Variants in CLDN7 observed in about 807,000 individuals in gnomAD.
CLDN7 encodes claudin 7, also known as claudin-7.
CLDN7 carries 15 observed loss-of-function variants against 20.3 expected under a neutral mutation model. That is an observed-to-expected ratio of 0.74 (90% CI 0.49 to 1.14). The LOEUF is 1.14. Among genes scored for constraint, CLDN7 ranks in the 50% most tolerant of loss-of-function variants. The probability of loss-of-function intolerance (pLI) is 0.00; values close to 1 mark genes in which losing one functional copy is unlikely to be tolerated. For synonymous variants in CLDN7, 117 were observed against 106.1 expected (o/e 1.10, Z -0.63); for missense variants, 261 against 274.2 (o/e 0.95, Z 0.34).
In CLDN7 at chr17:7,262,091, G is replaced by A. The variant is rs748120999; in HGVS notation, c.-48C>T. ...GGGCGCCGGGCGGGGAGACCCTACA[G>A]TAAAACAAACGACACTTGGGGGGCA... On this transcript the variant is annotated 5_prime_UTR_variant, in exon 1 of 4. Transcript: ENST00000360325. This position sits in a 1 kb window ranked among gnomAD's most constrained non-coding sequence, Gnocchi z 6.6. 10 of 1,551,696 alleles carry A rather than the reference G, an allele frequency of 6.4e-6. No individual in the cohort carries two copies. The highest frequency in any genetic ancestry group is 7.8e-6 in the Non-Finnish European group (9 of 1,147,694).
Position 7,262,211 on chromosome 17 carries a change from A to G in CLDN7, c.-168T>C. 3 of 1,437,980 alleles carry G rather than the reference A, an allele frequency of 2.1e-6. No individual in the cohort carries two copies. In the East Asian group the frequency reaches 7.5e-5, roughly 36 times the overall value. The allele number at this position is 1,437,980 out of a possible 1,614,324, so 89.1% of individuals were successfully genotyped here. Reference sequence around the variant, plus strand: ...TGAATGCAAATCTTGTCACCAAACTACACACAAATCGACCCCTCCAGTGAA... The same window carrying G: ...TGAATGCAAATCTTGTCACCAAACTGCACACAAATCGACCCCTCCAGTGAA... On this transcript the variant is annotated 5_prime_UTR_variant, in exon 1 of 4. Coordinates refer to ENST00000360325, the MANE Select transcript of CLDN7 (RefSeq NM_001307.6). This position sits in a 1 kb window ranked among gnomAD's most constrained non-coding sequence, Gnocchi z 6.6.
At position 7,260,074 on chromosome 17, in the gene CLDN7, T is replaced by C. The variant is rs2072179831; in HGVS notation, c.*300A>G. On this transcript the variant is annotated 3_prime_UTR_variant, in exon 4 of 4. Transcript: ENST00000360325. ...CTGAACTGAAGTAGGTGCACTAAGG[T>C]TCCAAGCTCCCTGCAAGGATCTGGA... 3.0e-6 allele frequency: 1 copy of C among 328,564 alleles called. No individual in the cohort carries two copies. Among genetic ancestry groups the C allele is most frequent in the African/African-American group, 2.1e-5 (1 of 47,060 alleles). 20.4% of individuals were successfully genotyped at this position (328,564 alleles called of 1,614,324 possible). A position where few individuals can be genotyped will look rare whatever the true frequency, so the allele number is the denominator to read the frequency against.
chr17:7,261,691 C>CCCCCCCCCCCATA, intron 1 of CLDN7, 130 bp downstream of exon 1: 1 of 845,128 alleles, frequency 1.2e-6, no homozygotes, highest in Non-Finnish European at 1.7e-6. Flanking sequence ...CGCCCCCAGC[C>CCCCCCCCCCCATA]GACCACTTCC....
chr17:7,261,008 C>A, intron 1 of CLDN7, 23 bp from the exon 2 acceptor site: 3 of 1,594,108 alleles, frequency 1.9e-6, no homozygotes, highest in Non-Finnish European at 2.6e-6. Context: ...GGAAAGGGCG[C>A]CGTCATTGCT....
upstream of CLDN7, chr17:7,262,492 G>T: frequency 1.2e-6 from 1 of 835,954 alleles, no homozygotes; most frequent in Non-Finnish European, 1.5e-6. The surrounding 1 kb of genome is among the most constrained non-coding windows in gnomAD (Gnocchi z 6.6). Flanking sequence ...CAGGTGGGGC[G>T]CACCTGAGTA....
chr17:7,262,133 C>T lies in CLDN7; in HGVS notation c.-90G>A, dbSNP rs764443909. The T allele has an allele frequency of 6.7e-7, 1 of 1,494,922 alleles. No individual in the cohort carries two copies. The highest frequency in any genetic ancestry group is 1.3e-5 in the South Asian group (1 of 76,432). The allele number at this position is 1,494,922 out of a possible 1,614,324, so 92.6% of individuals were successfully genotyped here. A position where few individuals can be genotyped will look rare whatever the true frequency, so the allele number is the denominator to read the frequency against. The stretch of plus-strand genomic sequence containing the variant: ...TGGGGGGCAGCCCCACAAAAGAAAA[C>T]TTGAGGTGGAGTTTTCCGGTCACCC... On this transcript the variant is annotated 5_prime_UTR_variant, in exon 1 of 4. Transcript: ENST00000360325. This position sits in a 1 kb window ranked among gnomAD's most constrained non-coding sequence, Gnocchi z 6.6.
chr17:7,260,530 C>T lies in CLDN7; in HGVS notation c.480G>A (p.Glu160=). 2 of 1,612,362 alleles carry T rather than the reference C, an allele frequency of 1.2e-6. No homozygotes were observed. Among genetic ancestry groups the T allele is most frequent in the African/African-American group, 1.3e-5 (1 of 75,016 alleles). The change falls in exon 4 of 4, where the codon GAG becomes GAA. Residue 160 remains glutamate, a synonymous_variant. Transcript: ENST00000360325. ...AGCCAATAAAGATGGCAGGGCCAAA[C>T]TCATACCTGTGAAGAGAAGGGGGTG... ...NPLIPTNIKY[E]FGPAIFIGWA...
chr17:7,260,424 G>A lies in CLDN7; in HGVS notation c.586C>T (p.Arg196Cys), dbSNP rs149875713. 1,945 of 1,613,826 alleles carry A rather than the reference G, an allele frequency of 1.2e-3. No homozygotes were observed. The highest frequency in any genetic ancestry group is 2.0e-3 in the Admixed American group (122 of 59,988). Reference protein sequence around the residue: ...CPGNESKAGYRVPRSYPKSNS... With the variant: ...CPGNESKAGYCVPRSYPKSNS... ...GACTTAGGGTAAGAGCGGGGTACAC[G>A]GTACCCAGCCTTGCTCTCATTCCCA... Residue 196 changes from arginine to cysteine, a missense_variant, in exon 4 of 4, where the codon CGT becomes TGT. Physicochemically the swap from Arg to Cys is radical, Grantham distance 180 (BLOSUM62 -3). Coordinates refer to ENST00000360325, the MANE Select transcript of CLDN7 (RefSeq NM_001307.6).
Position 7,261,830 on chromosome 17 carries a change from C to T in CLDN7, c.214G>A (p.Ala72Thr). 2 of 1,612,888 alleles carry T rather than the reference C, an allele frequency of 1.2e-6. No individual in the cohort carries two copies. Among genetic ancestry groups the T allele is most frequent in the Non-Finnish European group, 1.7e-6 (2 of 1,180,004 alleles). Residue 72 changes from alanine (A) to threonine (T), a missense_variant, in exon 1 of 4, where the codon GCC (alanine) becomes ACC (threonine). Around this residue, in one of 2 missense-constraint regions of CLDN7, gnomAD observed 215 missense variants for 199.6 expected, o/e 1.08. Transcript: ENST00000360325. ...GGTCCCGCGGCCTTACCGGACAGGG[C>T]GAGCACCGAGTCGTACATTTTGCAG... is the stretch of plus-strand genomic sequence containing the variant. ...MSCKMYDSVL[A>T]LSAALQATRA...
chr17:7,261,686 C>G, intron 1 of CLDN7, 135 bp downstream of exon 1: 1 of 797,986 alleles, frequency 1.3e-6, no homozygotes, highest in East Asian at 3.3e-5. Flanking sequence ...CCCGCCGCCC[C>G]CAGCCGACCA....
chr17:7,260,529 A>G lies in CLDN7; in HGVS notation c.481T>C (p.Phe161Leu). The G allele has an allele frequency of 6.2e-7, 1 of 1,612,412 alleles. No individual in the cohort carries two copies. The highest frequency in any genetic ancestry group is 8.5e-7 in the Non-Finnish European group (1 of 1,179,150). The change falls in exon 4 of 4, where the codon TTT (phenylalanine) becomes CTT (leucine). Residue 161 changes from phenylalanine to leucine, a missense_variant. Phe to Leu is a conservative substitution (Grantham distance 22). Transcript: ENST00000360325. The stretch of plus-strand genomic sequence containing the variant: ...CAGCCAATAAAGATGGCAGGGCCAA[A>G]CTCATACCTGTGAAGAGAAGGGGGT... ...PLIPTNIKYE[F>L]GPAIFIGWAG...
In CLDN7 at chr17:7,260,029, T is replaced by A. The variant is rs551101037; in HGVS notation, c.*345A>T. 116 of 340,256 alleles carry A rather than the reference T, an allele frequency of 3.4e-4. No homozygotes were observed. The highest frequency in any genetic ancestry group is 2.3e-3 in the African/African-American group (110 of 47,404). 21.1% of individuals were successfully genotyped at this position (340,256 alleles called of 1,614,324 possible). A position where few individuals can be genotyped will look rare whatever the true frequency, so the allele number is the denominator to read the frequency against. On this transcript the variant is annotated 3_prime_UTR_variant, in exon 4 of 4. Coordinates refer to ENST00000360325, the MANE Select transcript of CLDN7 (RefSeq NM_001307.6). ...ATCTTTTAGTCAATTGTCAGTGGAG[T>A]CAGTGGGGTGCTAAGTGTTCTGAAC...
chr17:7,260,256 CAG>C lies in CLDN7; in HGVS notation c.*116_*117del, dbSNP rs1200654189. ...GAGGACTATACATGGAGTGCAGGGA[CAG>C]AGTGACCAGGAGGCCTTTGTCCGGC... On this transcript the variant is annotated 3_prime_UTR_variant, in exon 4 of 4. Transcript: ENST00000360325. 6.5e-6 allele frequency: 7 copies of C among 1,075,838 alleles called. No individual in the cohort carries two copies. In the South Asian group the frequency reaches 9.3e-5, roughly 14 times the overall value. 66.6% of individuals were successfully genotyped at this position (1,075,838 alleles called of 1,614,324 possible).
chr17:7,261,742 G>C, intron 1 of CLDN7, 79 bp downstream of exon 1: 1 of 1,493,724 alleles, frequency 6.7e-7, no homozygotes, highest in East Asian at 2.4e-5. Context: ...CCCCAGCCGT[G>C]GGGCCTCGGC....
rs773234630 is a variant in CLDN7, at chr17:7,262,394, G to A, written c.-351C>T. On this transcript the variant is annotated 5_prime_UTR_variant, in exon 1 of 4. Transcript: ENST00000360325. The surrounding 1 kb of genome is among the most constrained non-coding windows in gnomAD (Gnocchi z 6.6). Reference sequence around the variant, plus strand: ...CGTCTGGGCGCGTTTCTGAGCGCCGGCAAGTCCCAAAGTATCCTGGGCTGT... The same window carrying A: ...CGTCTGGGCGCGTTTCTGAGCGCCGACAAGTCCCAAAGTATCCTGGGCTGT... 8 of 1,186,612 alleles carry A rather than the reference G, an allele frequency of 6.7e-6. No individual in the cohort carries two copies. Among genetic ancestry groups the A allele is most frequent in the Non-Finnish European group, 8.4e-6 (8 of 948,334 alleles). 73.5% of individuals were successfully genotyped at this position (1,186,612 alleles called of 1,614,324 possible). A position where few individuals can be genotyped will look rare whatever the true frequency, so the allele number is the denominator to read the frequency against.
At chr17:7,261,229 G>T in intron 1 of CLDN7, 1 of 573,638 alleles carries the variant, frequency 1.7e-6, no homozygotes, top group South Asian at 2.1e-5. Context: ...GGGCGCCGGG[G>T]TTTCGGTGAA....
In CLDN7 at chr17:7,260,483, A is replaced by G. The variant is rs760815138; in HGVS notation, c.527T>C (p.Ile176Thr). ...FIGWAGSALV[I>T]LGGALLSCSC... ...ACAGGAGAGCAGTGCACCTCCCAGG[A>G]TGACTAGGGCAGACCCTGCCCAGCC... Residue 176 changes from isoleucine to threonine, a missense_variant, in exon 4 of 4, where the codon ATC becomes ACC. Physicochemically the swap from Ile to Thr is moderately conservative, Grantham distance 89. Coordinates refer to ENST00000360325, the MANE Select transcript of CLDN7 (RefSeq NM_001307.6). The G allele has an allele frequency of 6.2e-7, 1 of 1,613,580 alleles. No homozygotes were observed. The highest frequency in any genetic ancestry group is 8.5e-7 in the Non-Finnish European group (1 of 1,179,776).
In CLDN7 at chr17:7,261,838, G is replaced by A. The variant is rs773424587; in HGVS notation, c.206C>T (p.Ser69Leu). The change falls in exon 1 of 4, where the codon TCG (serine) becomes TTG (leucine). Residue 69 changes from serine (S) to leucine (L), a missense_variant. By Grantham distance (145) the Ser-to-Leu change is moderately radical. This residue lies in a region of CLDN7 where 215 missense variants were observed against 199.6 expected (regional missense o/e 1.08). Transcript: ENST00000360325. The part of the protein sequence containing the change: ...TGMMSCKMYD[S>L]VLALSAALQA... ...GGCCTTACCGGACAGGGCGAGCACC[G>A]AGTCGTACATTTTGCAGCTCATCAT... is the stretch of plus-strand genomic sequence containing the variant. 1 of 1,613,466 alleles carries A rather than the reference G, an allele frequency of 6.2e-7. No homozygotes were observed. The highest frequency in any genetic ancestry group is 8.5e-7 in the Non-Finnish European group (1 of 1,180,036).
chr17:7,262,485 G>T, upstream of CLDN7: 1 of 900,524 alleles, frequency 1.1e-6, no homozygotes, highest in South Asian at 4.1e-5. This position sits in a 1 kb window ranked among gnomAD's most constrained non-coding sequence, Gnocchi z 6.6. Context: ...GGGCGGACAG[G>T]TGGGGCGCAC....
Sources: allele counts gnomAD v4.1 joint callset, GRCh38; gene constraint gnomAD v4.1.1; regional missense constraint gnomAD v4.1.1; non-coding constraint Gnocchi (gnomAD v3.1); transcripts MANE v1.5; gene names NCBI Gene and HGNC (gene_info 2026-07-23, HGNC 2026-07-21).